LARGE1: variants seen among roughly 807,000 people sequenced by gnomAD.
LARGE1 encodes the protein LARGE xylosyl- and glucuronyltransferase 1, also known as xylosyl- and glucuronyltransferase LARGE1.
Under a neutral mutation model 87.6 loss-of-function variants are expected in LARGE1, and 43 were observed. The observed-to-expected ratio is 0.49, with a 90% CI of 0.38 to 0.63. The LOEUF (loss-of-function observed/expected upper bound fraction) is 0.63, where lower values mean the gene tolerates loss of function less well. Ranked by LOEUF, LARGE1 falls within the 30% of genes least tolerant of loss-of-function variation. LARGE1 has a pLI of 0.00. For missense variants in LARGE1, 802 were observed against 1,000.2 expected, an observed-to-expected ratio of 0.80 and a Z score of 2.67; for synonymous variants, 434 against 394.6, an observed-to-expected ratio of 1.10 and a Z score of -1.18.
At chr22:33,420,374 T>C (rs7286416) in intron 7 of LARGE1, among the ~76,000 whole-genome samples, 5,570 of 152,134 alleles carry the variant, frequency 0.037, 104 homozygotes, top group Middle Eastern at 0.054. Flanking sequence ...GGAACTTATA[T>C]CCTCATGGAA....
chr22:33,110,988 A>G, the LARGE1 span, among the ~76,000 whole-genome samples: 2 of 152,208 alleles, frequency 1.3e-5, no homozygotes, highest in African/African-American at 4.8e-5. Context: ...TTATATAAAG[A>G]TCAAGCTGTA....
chr22:33,724,593 GC>G (rs918203008), intron 2 of LARGE1, among the ~76,000 whole-genome samples: 5 of 152,242 alleles, frequency 3.3e-5, no homozygotes, highest in African/African-American at 1.2e-4. Flanking sequence ...ACCCAGCCAT[GC>G]CCACAGGCTA....
chr22:33,176,373 C>T (rs753990818), intron 11 of LARGE1, among the ~76,000 whole-genome samples: 2 of 152,072 alleles, frequency 1.3e-5, no homozygotes, highest in Non-Finnish European at 2.9e-5. Context: ...AGGCAACCTA[C>T]AGAATGGGAG....
chr22:33,670,204 G>A (rs2081369266), intron 2 of LARGE1, among the ~76,000 whole-genome samples: 1 of 152,030 alleles, frequency 6.6e-6, no homozygotes, highest in African/African-American at 2.4e-5. Flanking sequence ...AATATCTGCA[G>A]TGTCACTACA....
intron 9 of LARGE1, among the ~76,000 whole-genome samples, chr22:33,370,558 C>T (rs897458752): frequency 6.6e-6 from 1 of 151,990 alleles, no homozygotes; most frequent in African/African-American, 2.4e-5. Context: ...TGAATGCAAT[C>T]GTTGTTTATA....
intron 5 of LARGE1, among the ~76,000 whole-genome samples, chr22:33,598,535 CCT>C (rs1325808727): frequency 2.6e-5 from 4 of 152,098 alleles, no homozygotes; most frequent in Non-Finnish European, 5.9e-5. Context: ...GCCCCCACCC[CCT>C]GACAGGCCCC....
chr22:33,615,329 T>A (rs2079550554), intron 4 of LARGE1, among the ~76,000 whole-genome samples: 1 of 152,062 alleles, frequency 6.6e-6, no homozygotes, highest in African/African-American at 2.4e-5. Context: ...CCAAAGAGAT[T>A]CAAATGCCCA....
the LARGE1 span, among the ~76,000 whole-genome samples, chr22:33,115,589 G>A: frequency 2.3e-3 from 344 of 152,222 alleles, no homozygotes; most frequent in African/African-American, 7.8e-3. Context: ...AGGTCAAGGC[G>A]GGGGAATCAC....
In LARGE1 at chr22:33,273,553, C is replaced by T. The variant is rs903811034; in HGVS notation, c.*874G>A. On this transcript the variant is annotated 3_prime_UTR_variant, in exon 15 of 15. Coordinates refer to ENST00000397394, the MANE Select transcript of LARGE1 (RefSeq NM_133642.5). ...AATGTGACCGGTGTAAAACAGCCAGCCCTCGTAATTCCGCAGTCCCCATCG... is the reference window on the plus strand; with the variant it reads ...AATGTGACCGGTGTAAAACAGCCAGTCCTCGTAATTCCGCAGTCCCCATCG... 2.5e-6 allele frequency: 1 copy of T among 398,762 alleles called. No individual in the cohort carries two copies. Among genetic ancestry groups the T allele is most frequent in the Non-Finnish European group, 4.4e-6 (1 of 226,216 alleles). 24.7% of individuals were successfully genotyped at this position (398,762 alleles called of 1,614,324 possible). A position where few individuals can be genotyped will look rare whatever the true frequency, so the allele number is the denominator to read the frequency against.
chr22:33,113,972 G>A, the LARGE1 span, among the ~76,000 whole-genome samples: 2 of 150,760 alleles, frequency 1.3e-5, no homozygotes, highest in South Asian at 4.2e-4. Context: ...CCGGGTTCAC[G>A]CCATTCTCCT....
intron 6 of LARGE1, among the ~76,000 whole-genome samples, chr22:33,439,057 C>CA (rs1283631789): frequency 1.3e-5 from 2 of 151,734 alleles, no homozygotes; most frequent in Admixed American, 6.6e-5. Context: ...ACTAAAAATA[C>CA]AAAAAAATTA....
intron 3 of LARGE1, among the ~76,000 whole-genome samples, chr22:33,629,530 C>T (rs1360130272): frequency 2.6e-5 from 4 of 152,148 alleles, no homozygotes; most frequent in African/African-American, 9.7e-5. Flanking sequence ...AGCAGAAAAT[C>T]ACAGTGGCAT....
chr22:33,785,647 GA>G (rs954845325), intron 1 of LARGE1, among the ~76,000 whole-genome samples: 93 of 151,846 alleles, frequency 6.1e-4, no homozygotes, highest in African/African-American at 2.1e-3. Flanking sequence ...AACTGGAGGG[GA>G]AAAAAAACAT....
rs181647877 is a variant in LARGE1, at chr22:33,585,933, A to C, written c.615+18502T>G. ...AGGCTGGTCTCAAACTCCCGACCTC[A>C]AACGATCCACCTGCCTCGGCCTCCC... On this transcript the variant is annotated intron_variant, in intron 5 of 14. Coordinates refer to ENST00000397394, the MANE Select transcript of LARGE1 (RefSeq NM_133642.5). 3.2e-4 allele frequency among the ~76,000 whole-genome samples: 48 copies of C among 152,330 alleles called. No homozygotes were observed. The East Asian group carries it at 8.7e-3, about 28-fold the overall frequency.
chr22:33,234,417 G>A (rs1926151784), intron 11 of LARGE1, among the ~76,000 whole-genome samples: 1 of 152,184 alleles, frequency 6.6e-6, no homozygotes, highest in Non-Finnish European at 1.5e-5. Flanking sequence ...ATTAATGACT[G>A]CCCCACATAC....
intron 3 of LARGE1, among the ~76,000 whole-genome samples, chr22:33,645,160 C>G (rs2080567089): frequency 6.6e-6 from 1 of 152,136 alleles, no homozygotes; most frequent in Non-Finnish European, 1.5e-5. Flanking sequence ...TCAAACTATA[C>G]TACAAGGCTA....
At chr22:33,256,858 C>T (rs1927308785) in intron 11 of LARGE1, among the ~76,000 whole-genome samples, 1 of 152,120 alleles carries the variant, frequency 6.6e-6, no homozygotes, top group South Asian at 2.1e-4. Flanking sequence ...ATTTCAGAGA[C>T]AAAATTCAAA....
chr22:33,818,502 G>A (rs2086724085), intron 1 of LARGE1, among the ~76,000 whole-genome samples: 2 of 152,298 alleles, frequency 1.3e-5, no homozygotes, highest in East Asian at 1.9e-4. Flanking sequence ...GCTTGTAACT[G>A]ACCTGAGAGA....
At chr22:33,660,150 T>C (rs1361687434) in intron 2 of LARGE1, among the ~76,000 whole-genome samples, 2 of 151,292 alleles carry the variant, frequency 1.3e-5, no homozygotes, top group Non-Finnish European at 2.9e-5. Context: ...CAGTTGGTCT[T>C]TGAACTGCTG....
Sources: gnomAD v4.1 joint callset for allele counts (sites outside exome capture counted in the v4.1 genomes callset) on GRCh38, gnomAD v4.1.1 for gene constraint, MANE v1.5 for transcripts, NCBI Gene and HGNC (gene_info 2026-07-23, HGNC 2026-07-21) for gene names.